DENND4C: variants seen among roughly 807,000 people sequenced by gnomAD.
DENND4C encodes the protein DENN domain-containing protein 4C.
DENND4C carries 108 observed loss-of-function variants against 203.0 expected under a neutral mutation model. The ratio of observed to expected loss-of-function variants is 0.53; its 90% CI spans 0.46 to 0.62. DENND4C has a LOEUF of 0.62. Ranked by LOEUF, DENND4C falls within the 20% of genes least tolerant of loss-of-function variation. The probability of loss-of-function intolerance (pLI) is 0.00; values close to 1 mark genes in which losing one functional copy is unlikely to be tolerated. For missense variants in DENND4C, 2,481 were observed against 2,301.2 expected (o/e 1.08, Z -1.60); for synonymous variants, 871 against 792.4 (o/e 1.10, Z -1.67).
intron 10 of DENND4C, among the ~76,000 whole-genome samples, chr9:19,313,706 ATATTATGT>A (rs1290232095): frequency 6.6e-6 from 1 of 152,156 alleles, no homozygotes; most frequent in Admixed American, 6.5e-5. Flanking sequence ...TACAGAGAGG[ATATTATGT>A]TTGCTTCCAT....
chr9:19,357,363 CT>C, intron 27 of DENND4C: 1 of 499,724 alleles, frequency 2.0e-6, no homozygotes, highest in South Asian at 3.1e-5. Context: ...TTACAGTTGT[CT>C]TTTACAAAAT....
At chr9:19,290,523 GTAAAA>G (rs1247537028) in intron 4 of DENND4C, among the ~76,000 whole-genome samples, 176 bp from the exon 5 acceptor site, 1 of 152,140 alleles carries the variant, frequency 6.6e-6, no homozygotes, top group Non-Finnish European at 1.5e-5. Flanking sequence ...AAATTCATGG[GTAAAA>G]TATCAGGGGT....
intron 16 of DENND4C, among the ~76,000 whole-genome samples, chr9:19,331,745 A>G (rs143100789): frequency 3.9e-5 from 6 of 152,358 alleles, no homozygotes; most frequent in Non-Finnish European, 8.8e-5. Flanking sequence ...CTGTTAAGAG[A>G]CACATGCTTG....
intron 16 of DENND4C, among the ~76,000 whole-genome samples, chr9:19,330,847 C>G (rs1818949724): frequency 6.6e-6 from 1 of 151,934 alleles, no homozygotes; most frequent in Admixed American, 6.6e-5. Flanking sequence ...GTCAGGAGTT[C>G]TAGACCAGTC....
intron 31 of DENND4C, 100 bp downstream of exon 31, chr9:19,370,087 A>G (rs1828501029): frequency 7.3e-7 from 1 of 1,362,480 alleles, no homozygotes; most frequent in Non-Finnish European, 1.0e-6. Context: ...GAAGAAACAC[A>G]TACTCATTGC....
chr9:19,286,728 G>C, intron 2 of DENND4C, 41 bp from the exon 3 acceptor site: 11 of 1,221,064 alleles, frequency 9.0e-6, no homozygotes, highest in Non-Finnish European at 1.1e-5. Context: ...ATGTGTGTAT[G>C]TATATATCTA....
chr9:19,367,746 A>G (rs1260425564), intron 30 of DENND4C, among the ~76,000 whole-genome samples: 1 of 152,202 alleles, frequency 6.6e-6, no homozygotes, highest in East Asian at 1.9e-4. Context: ...TCTCAAAAAC[A>G]AGAAAAAAAA....
chr9:19,276,192 A>T lies in DENND4C; in HGVS notation c.18A>T (p.Gly6=). 8.1e-7 allele frequency: 1 copy of T among 1,232,096 alleles called. No individual in the cohort carries two copies. The highest frequency in any genetic ancestry group is 3.2e-5 in the East Asian group (1 of 31,704). 76.3% of individuals were successfully genotyped at this position (1,232,096 alleles called of 1,614,324 possible). A position where few individuals can be genotyped will look rare whatever the true frequency, so the allele number is the denominator to read the frequency against. The change falls in exon 2 of 33, where the codon GGA becomes GGT. Residue 6 remains glycine, a synonymous_variant. Coordinates refer to ENST00000434457, the MANE Select transcript of DENND4C (RefSeq NM_001330640.2). MIEDK[G]PRVTDYFVVA... ...TAGCAGCCATGATAGAAGACAAAGG[A>T]CCAAGAGTGACAGACTACTTTGTCG...
At chr9:19,262,005 T>C (rs1244275998) in intron 1 of DENND4C, among the ~76,000 whole-genome samples, 1 of 151,470 alleles carries the variant, frequency 6.6e-6, no homozygotes, top group Non-Finnish European at 1.5e-5. Flanking sequence ...TGTTGACATA[T>C]GGAAATACTG....
intron 1 of DENND4C, among the ~76,000 whole-genome samples, chr9:19,248,693 TCTTA>T (rs1048302280): frequency 1.3e-5 from 2 of 151,562 alleles, no homozygotes; most frequent in Admixed American, 6.6e-5. Context: ...CCTGGCTAGA[TCTTA>T]CTTATTTACT....
chr9:19,295,855 C>T (rs929178653), intron 5 of DENND4C, among the ~76,000 whole-genome samples, 153 bp from the exon 6 acceptor site: 57 of 151,750 alleles, frequency 3.8e-4, no homozygotes, highest in African/African-American at 9.9e-4. Flanking sequence ...ATCTGGTTAT[C>T]TCTGGGACAG....
rs35973945 is a variant in DENND4C, at chr9:19,272,945, CTTTTTTTTTTTTT to C, written c.-17-3204_-17-3192del. ...ACTACGCCTGGCTAATTTTTGTATC[CTTTTTTTTTTTTT>C]TTTTTTTTGAGATGGAGTCTCGCTC... On this transcript the variant is annotated intron_variant, in intron 1 of 32. Transcript: ENST00000434457. 8.1e-5 allele frequency among the ~76,000 whole-genome samples: 7 copies of C among 86,610 alleles called. No homozygotes were observed. In the Admixed American group the frequency reaches 9.6e-4, roughly 12 times the overall value. 56.8% of individuals were successfully genotyped at this position (86,610 alleles called of 152,430 possible). A position where few individuals can be genotyped will look rare whatever the true frequency, so the allele number is the denominator to read the frequency against.
chr9:19,297,893 G>A (rs1837783448), intron 6 of DENND4C, among the ~76,000 whole-genome samples, 163 bp from the exon 7 acceptor site: 2 of 152,062 alleles, frequency 1.3e-5, no homozygotes. Flanking sequence ...AATGGGCATG[G>A]ATAAATTCAT....
Position 19,296,204 on chromosome 9 carries a change from A to G in DENND4C, c.998A>G (p.Tyr333Cys). The change falls in exon 6 of 33, where the codon TAC becomes TGC. Residue 333 changes from tyrosine to cysteine, a missense_variant. Coordinates refer to ENST00000434457, the MANE Select transcript of DENND4C (RefSeq NM_001330640.2). ...EAFRKFLMFIYKLSVSGPHPL... is the reference protein window; with the variant it reads ...EAFRKFLMFICKLSVSGPHPL... ...TTTAGGAAATTTCTTATGTTTATCTACAAACTTTCTGTGTCTGGACCACAT... is the reference window on the plus strand; with the variant it reads ...TTTAGGAAATTTCTTATGTTTATCTGCAAACTTTCTGTGTCTGGACCACAT... The G allele has an allele frequency of 1.2e-6, 2 of 1,613,782 alleles. No homozygotes were observed. Among genetic ancestry groups the G allele is most frequent in the Non-Finnish European group, 1.7e-6 (2 of 1,179,738 alleles).
intron 28 of DENND4C, among the ~76,000 whole-genome samples, chr9:19,359,940 A>AATC (rs1425254262): frequency 6.6e-6 from 1 of 152,204 alleles, no homozygotes; most frequent in Non-Finnish European, 1.5e-5. Context: ...AAAGCATCTG[A>AATC]AATGCAAATA....
chr9:19,262,564 T>C (rs985591368), intron 1 of DENND4C, among the ~76,000 whole-genome samples: 4 of 151,940 alleles, frequency 2.6e-5, no homozygotes, highest in African/African-American at 9.7e-5. Flanking sequence ...CCCAAGTAGC[T>C]GGGACTACAG....
In DENND4C at chr9:19,352,246, A is replaced by G; in HGVS notation, c.4605+64A>G. On this transcript the variant is annotated intron_variant, in intron 25 of 32. Coordinates refer to ENST00000434457, the MANE Select transcript of DENND4C (RefSeq NM_001330640.2). ...AAGCATATTTTTATTTCAGAATGGC[A>G]TTTAACAGGATTCTAAGATACCCTT... 2.8e-6 allele frequency: 4 copies of G among 1,434,276 alleles called. No individual in the cohort carries two copies. In the South Asian group the frequency reaches 3.5e-5, roughly 13 times the overall value. 88.8% of individuals were successfully genotyped at this position (1,434,276 alleles called of 1,614,324 possible). A position where few individuals can be genotyped will look rare whatever the true frequency, so the allele number is the denominator to read the frequency against.
At chr9:19,275,396 G>A (rs889608425) in intron 1 of DENND4C, among the ~76,000 whole-genome samples, 7 of 150,684 alleles carry the variant, frequency 4.6e-5, no homozygotes, top group Admixed American at 3.3e-4. Context: ...GGGGTCGAGC[G>A]ATTCTCATGC....
intron 1 of DENND4C, among the ~76,000 whole-genome samples, chr9:19,243,663 G>A (rs1315658420): frequency 6.6e-6 from 1 of 151,986 alleles, no homozygotes; most frequent in Non-Finnish European, 1.5e-5. Context: ...TGCTTTCTAG[G>A]TCCAGTAGTA....
Sources: gnomAD v4.1 joint callset for allele counts (sites outside exome capture counted in the v4.1 genomes callset) on GRCh38, gnomAD v4.1.1 for gene constraint, MANE v1.5 for transcripts, NCBI Gene and HGNC (gene_info 2026-07-23, HGNC 2026-07-21) for gene names.